The following YWHAQ variants were observed in gnomAD, a reference collection of about 807,000 sequenced individuals.
YWHAQ encodes the protein tyrosine 3-monooxygenase/tryptophan 5-monooxygenase activation protein theta, also known as 14-3-3 protein theta.
Under a neutral mutation model 28.3 loss-of-function variants are expected in YWHAQ, and 6 were observed. The observed-to-expected ratio is 0.21, with a 90% CI of 0.12 to 0.42. YWHAQ has a LOEUF of 0.42. Among genes scored for constraint, YWHAQ ranks in the 10% least tolerant of loss-of-function variants. The probability of loss-of-function intolerance (pLI) is 1.00; values close to 1 mark genes in which losing one functional copy is unlikely to be tolerated. For synonymous variants in YWHAQ, 143 were observed against 119.1 expected (o/e 1.20, Z -1.31); for missense variants, 201 against 305.6 (o/e 0.66, Z 2.55).
At position 9,585,315 on chromosome 2, in the gene YWHAQ, A is replaced by C. The variant is rs746631800; in HGVS notation, c.709T>G (p.Cys237Gly). ...TTTTCAGCCCCTTCTGCCGCATCAC[A>C]TTCTTCTCCTGCACTGTCTGATGTC... ...LWTSDSAGEECDAAEGAEN is the reference protein window; with the variant it reads ...LWTSDSAGEEGDAAEGAEN The change falls in exon 6 of 6, where the codon TGT (cysteine) becomes GGT (glycine). Residue 237 changes from cysteine (C) to glycine (G), a missense_variant. Transcript: ENST00000238081. The C allele has an allele frequency of 2.5e-6, 4 of 1,614,042 alleles. No homozygotes were observed. The highest frequency in any genetic ancestry group is 3.4e-6 in the Non-Finnish European group (4 of 1,180,004).
At position 9,629,228 on chromosome 2, in the gene YWHAQ, C is replaced by T. The variant is rs561336500; in HGVS notation, c.294+931G>A. 8.5e-4 allele frequency among the ~76,000 whole-genome samples: 129 copies of T among 152,228 alleles called. 1 individual carries two copies. The highest frequency in any genetic ancestry group is 2.7e-3 in the African/African-American group (112 of 41,532). On this transcript the variant is annotated intron_variant, in intron 2 of 5. Transcript: ENST00000238081. ...TAAAAGTGACACTTAAAAGGCAAAC[C>T]ATATGAGATTATTTCCCATTTTATT...
intron 2 of YWHAQ, among the ~76,000 whole-genome samples, chr2:9,599,299 C>T (rs1342464867): frequency 1.3e-5 from 2 of 152,106 alleles, no homozygotes; most frequent in East Asian, 1.9e-4. Flanking sequence ...GGTACAAGTG[C>T]GAATGTAGAG....
At chr2:9,626,142 T>G (rs1247651060) in intron 2 of YWHAQ, among the ~76,000 whole-genome samples, 1 of 152,248 alleles carries the variant, frequency 6.6e-6, no homozygotes, top group African/African-American at 2.4e-5. Context: ...AATTGCGATA[T>G]GCACTTTAGT....
chr2:9,608,677 G>A (rs1173818820), intron 2 of YWHAQ, among the ~76,000 whole-genome samples: 4 of 152,212 alleles, frequency 2.6e-5, no homozygotes, highest in Admixed American at 6.5e-5. Context: ...GGCTGGGTGC[G>A]ATGGCTCACG....
At position 9,584,621 on chromosome 2, in the gene YWHAQ, G is replaced by A. The variant is rs189104400; in HGVS notation, c.*665C>T. The A allele has an allele frequency of 6.6e-6, 1 of 152,638 alleles. No homozygotes were observed. The highest frequency in any genetic ancestry group is 2.4e-5 in the African/African-American group (1 of 41,446). The allele number at this position is 152,638 out of a possible 1,614,324, so 9.5% of individuals were successfully genotyped here. ...TACCAGAACTACAAAGGCAGGAGGT[G>A]TAAGTGAATTTTTATTGGGAGGGGA... On this transcript the variant is annotated 3_prime_UTR_variant, in exon 6 of 6. Coordinates refer to ENST00000238081, the MANE Select transcript of YWHAQ (RefSeq NM_006826.4).
chr2:9,610,062 T>C (rs1666914766), intron 2 of YWHAQ, among the ~76,000 whole-genome samples: 1 of 152,226 alleles, frequency 6.6e-6, no homozygotes, highest in Admixed American at 6.5e-5. Context: ...ACATGATTTT[T>C]TCCCCCTTAA....
intron 3 of YWHAQ, among the ~76,000 whole-genome samples, chr2:9,590,178 T>C (rs1422431789): frequency 6.6e-6 from 1 of 152,204 alleles, no homozygotes; most frequent in African/African-American, 2.4e-5. Flanking sequence ...AAGGGTTAAA[T>C]CAGGTTAAAG....
chr2:9,622,055 A>G (rs1463441272), intron 2 of YWHAQ, among the ~76,000 whole-genome samples: 1 of 152,104 alleles, frequency 6.6e-6, no homozygotes, highest in East Asian at 1.9e-4. Flanking sequence ...GGGCTAGGGG[A>G]GGAATAGCAT....
intron 2 of YWHAQ, among the ~76,000 whole-genome samples, chr2:9,627,938 G>A (rs1287369333): frequency 6.6e-6 from 1 of 152,182 alleles, no homozygotes; most frequent in Non-Finnish European, 1.5e-5. Context: ...CTTTTCAAAG[G>A]TTTCTATTTC....
At chr2:9,610,804 T>G (rs1388638416) in intron 2 of YWHAQ, among the ~76,000 whole-genome samples, 1 of 152,150 alleles carries the variant, frequency 6.6e-6, no homozygotes, top group East Asian at 1.9e-4. Context: ...CACCGCACCC[T>G]GCCTACTCAT....
At chr2:9,629,115 G>C (rs77794660) in intron 2 of YWHAQ, among the ~76,000 whole-genome samples, 3,539 of 151,826 alleles carry the variant, frequency 0.023, 61 homozygotes, top group Non-Finnish European at 0.034. Flanking sequence ...ATTCCCTTTT[G>C]AAAAATCCCC....
Position 9,584,953 on chromosome 2 carries a change from T to TA in YWHAQ, c.*332dup, listed in dbSNP as rs1666314140. The stretch of plus-strand genomic sequence containing the variant: ...TAACTACATTTTCTTATTTTCACAG[T>TA]AATACAAAACACAGTCACTTGCAGA... On this transcript the variant is annotated 3_prime_UTR_variant, in exon 6 of 6. Transcript: ENST00000238081. 1 of 242,536 alleles carries TA rather than the reference T, an allele frequency of 4.1e-6. No individual in the cohort carries two copies. The highest frequency in any genetic ancestry group is 2.3e-5 in the African/African-American group (1 of 44,344). The allele number at this position is 242,536 out of a possible 1,614,324, so 15.0% of individuals were successfully genotyped here. A position where few individuals can be genotyped will look rare whatever the true frequency, so the allele number is the denominator to read the frequency against.
Position 9,596,132 on chromosome 2 carries a change from CT to C in YWHAQ, c.295-4618del, listed in dbSNP as rs1558542860. Among the ~76,000 whole-genome samples, 12 of 152,142 alleles carry C rather than the reference CT, an allele frequency of 7.9e-5. No individual in the cohort carries two copies. In the East Asian group the frequency reaches 1.9e-3, roughly 24 times the overall value. ...GGAACAATAGACTATAACACAAAAG[CT>C]ATAAAGAATAATATAAGAAATGAAA... On this transcript the variant is annotated intron_variant, in intron 2 of 5. Transcript: ENST00000238081.
chr2:9,589,175 G>A (rs563538855), intron 3 of YWHAQ, among the ~76,000 whole-genome samples: 1 of 151,630 alleles, frequency 6.6e-6, no homozygotes, highest in African/African-American at 2.4e-5. Flanking sequence ...ACAGCTTAAT[G>A]GAAAAAAAAC....
At chr2:9,610,765 C>T (rs1390601410) in intron 2 of YWHAQ, among the ~76,000 whole-genome samples, 1 of 152,150 alleles carries the variant, frequency 6.6e-6, no homozygotes, top group African/African-American at 2.4e-5. Context: ...GCCTCGGCCT[C>T]GGAAAGTGCT....
intron 2 of YWHAQ, among the ~76,000 whole-genome samples, chr2:9,629,522 A>T (rs977084297): frequency 2.0e-5 from 3 of 152,212 alleles, no homozygotes; most frequent in Non-Finnish European, 2.9e-5. Flanking sequence ...ACTAGTGTTT[A>T]AGCACAGGTG....
chr2:9,596,854 T>C (rs1405970843), intron 2 of YWHAQ, among the ~76,000 whole-genome samples: 1 of 152,152 alleles, frequency 6.6e-6, no homozygotes, highest in Non-Finnish European at 1.5e-5. Flanking sequence ...GGTTTCACCA[T>C]GGCTGGTCTC....
chr2:9,602,829 T>TAAAAAAAAA (rs869073430), intron 2 of YWHAQ, among the ~76,000 whole-genome samples: 1 of 37,224 alleles, frequency 2.7e-5, no homozygotes, highest in Non-Finnish European at 5.0e-5. Context: ...ATGCCTAATT[T>TAAAAAAAAA]AAAAAAAAAA....
intron 2 of YWHAQ, among the ~76,000 whole-genome samples, chr2:9,611,646 A>G (rs957240948): frequency 1.3e-5 from 2 of 152,164 alleles, no homozygotes; most frequent in African/African-American, 2.4e-5. Flanking sequence ...TGAAATATGT[A>G]TATCTACTAG....
Sources: allele counts gnomAD v4.1 joint callset (sites outside exome capture counted in the v4.1 genomes callset), GRCh38; gene constraint gnomAD v4.1.1; transcripts MANE v1.5; gene names NCBI Gene and HGNC (gene_info 2026-07-23, HGNC 2026-07-21).